Variants in CIT observed in about 807,000 individuals in gnomAD.
CIT encodes the protein citron Rho-interacting kinase.
CIT carries 79 observed loss-of-function variants against 272.7 expected under a neutral mutation model. That is an observed-to-expected ratio of 0.29 (90% CI 0.24 to 0.35). The LOEUF is 0.35. Ranked by LOEUF, CIT falls within the 10% of genes least tolerant of loss-of-function variation. The pLI is 1.00. For missense variants in CIT, 1,909 were observed against 2,618.3 expected, an observed-to-expected ratio of 0.73 and a Z score of 5.91; for synonymous variants, 948 against 995.6, an observed-to-expected ratio of 0.95 and a Z score of 0.90.
At chr12:119,755,418 C>T (rs1188699133) in intron 22 of CIT, among the ~76,000 whole-genome samples, 2 of 152,222 alleles carry the variant, frequency 1.3e-5, no homozygotes, top group African/African-American at 2.4e-5. Flanking sequence ...ATGAGTACTA[C>T]CCAAGGCTTA....
intron 3 of CIT, among the ~76,000 whole-genome samples, chr12:119,864,930 T>C (rs940710487): frequency 1.3e-5 from 2 of 152,096 alleles, no homozygotes; most frequent in African/African-American, 4.8e-5. Flanking sequence ...TACACTCTAT[T>C]CCATTTTCTC....
At chr12:119,721,934 T>C (rs1406785942) in intron 28 of CIT, among the ~76,000 whole-genome samples, 1 of 152,136 alleles carries the variant, frequency 6.6e-6, no homozygotes, top group Non-Finnish European at 1.5e-5. Flanking sequence ...ATCCCTTACT[T>C]AATAAAGGTC....
chr12:119,699,979 G>A (rs1348834494), intron 44 of CIT: 1 of 451,322 alleles, frequency 2.2e-6, no homozygotes, highest in African/African-American at 2.0e-5. Flanking sequence ...TATAATCAGG[G>A]GGTGCTATCT....
chr12:119,704,566 A>C, intron 40 of CIT, 111 bp from the exon 41 acceptor site: 1 of 929,736 alleles, frequency 1.1e-6, no homozygotes, highest in Non-Finnish European at 1.7e-6. Flanking sequence ...AGACCAGATC[A>C]TTCTGTGTGG....
intron 22 of CIT, 48 bp downstream of exon 22, chr12:119,757,323 C>G (rs764892771): frequency 2.5e-6 from 4 of 1,605,716 alleles, no homozygotes; most frequent in Non-Finnish European, 3.4e-6. Flanking sequence ...TTGTTCAGAG[C>G]CCGAATCGCC....
At chr12:119,821,423 T>C (rs2138034322) in intron 9 of CIT, among the ~76,000 whole-genome samples, 1 of 152,312 alleles carries the variant, frequency 6.6e-6, no homozygotes, top group East Asian at 1.9e-4. Flanking sequence ...CATAGGTATG[T>C]ATGCACAGGA....
rs61341026 is a variant in CIT, at chr12:119,874,342, C to G, written c.96+1731G>C. On this transcript the variant is annotated intron_variant, in intron 2 of 47. Transcript: ENST00000392521. The stretch of plus-strand genomic sequence containing the variant: ...CCGCCTCAGCCTCCGAAAATACTGG[C>G]ATTACAGGCTACAACCTATTTTAAA... Among the ~76,000 whole-genome samples the G allele has an allele frequency of 7.8e-3, 1,193 of 152,234 alleles. 13 individuals are homozygous for G. Among genetic ancestry groups the G allele is most frequent in the African/African-American group, 0.027 (1,125 of 41,512 alleles).
chr12:119,840,416 G>A (rs1333879625), intron 5 of CIT, among the ~76,000 whole-genome samples: 4 of 152,178 alleles, frequency 2.6e-5, no homozygotes, highest in African/African-American at 7.2e-5. Context: ...CAACATAACT[G>A]AATTGTGGCT....
rs200552941 is a variant in CIT at position 119,726,668 on chromosome 12, C to T, written c.3591+1834G>A. On this transcript the variant is annotated intron_variant, in intron 28 of 47. Coordinates refer to ENST00000392521, the MANE Select transcript of CIT (RefSeq NM_001206999.2). ...GAACAGGGCATTCTGGTTAATTAAACTGTCAGGCTCACTAAGGGTTAAACA... is the reference window on the plus strand; with the variant it reads ...GAACAGGGCATTCTGGTTAATTAAATTGTCAGGCTCACTAAGGGTTAAACA... Among the ~76,000 whole-genome samples the T allele has an allele frequency of 2.0e-5, 3 of 152,286 alleles. No homozygotes were observed. The East Asian group carries it at 5.8e-4, about 29-fold the overall frequency.
At chr12:119,827,361 T>C (rs901493551) in intron 7 of CIT, among the ~76,000 whole-genome samples, 9 of 152,128 alleles carry the variant, frequency 5.9e-5, no homozygotes, top group African/African-American at 1.9e-4. Context: ...TTTTAATATG[T>C]ATGTAAATGT....
chr12:119,853,998 G>T (rs998972828), intron 4 of CIT, among the ~76,000 whole-genome samples: 14 of 151,972 alleles, frequency 9.2e-5, no homozygotes, highest in Non-Finnish European at 1.6e-4. Context: ...ACCAGTCCGG[G>T]CAACATAGGG....
chr12:119,712,568 G>GGGCTCCTCC lies in CIT; in HGVS notation c.4684+14_4684+22dup, dbSNP rs1415619741. The GGGCTCCTCC allele has an allele frequency of 6.2e-7, 1 of 1,608,926 alleles. No individual in the cohort carries two copies. Among genetic ancestry groups the GGGCTCCTCC allele is most frequent in the Non-Finnish European group, 8.5e-7 (1 of 1,175,348 alleles). On this transcript the variant is annotated intron_variant, in intron 36 of 47. Coordinates refer to ENST00000392521, the MANE Select transcript of CIT (RefSeq NM_001206999.2). The surrounding 1 kb of genome is among the most constrained non-coding windows in gnomAD (Gnocchi z 5.2). ...CCAAGCCCGGCCCACCTCCAGGGCG[G>GGGCTCCTCC]GGCTCCTCCGGCTCCTCCTCACCTG...
intron 32 of CIT, among the ~76,000 whole-genome samples, chr12:119,717,694 T>G (rs1251018070): frequency 6.6e-6 from 1 of 152,044 alleles, no homozygotes; most frequent in African/African-American, 2.4e-5. Flanking sequence ...GTGCTGGGAT[T>G]ACTGGCGTGA....
intron 7 of CIT, among the ~76,000 whole-genome samples, chr12:119,832,337 T>A (rs1394978559): frequency 6.6e-6 from 1 of 152,260 alleles, no homozygotes; most frequent in Non-Finnish European, 1.5e-5. Context: ...GAGCACTTGG[T>A]TCTTAACACT....
In CIT at chr12:119,782,628, G is replaced by A. The variant is rs1964403206; in HGVS notation, c.1555C>T (p.Arg519Ter). The change falls in exon 13 of 48, where the codon CGA becomes TGA. Residue 519 changes from arginine to a stop codon, truncating the protein, a stop_gained. Coordinates refer to ENST00000392521, the MANE Select transcript of CIT (RefSeq NM_001206999.2). LOFTEE classifies it high-confidence loss of function. ...TCCATCCGTGCTTGCTCCAAACTTC[G>A]CTTTAAGCTCTGCAGAAAGCAAAAA... ...TYITECSSLK[R>*]SLEQARMEVS... 1.2e-6 allele frequency: 2 copies of A among 1,614,028 alleles called. No individual in the cohort carries two copies. Among genetic ancestry groups the A allele is most frequent in the Admixed American group, 1.7e-5 (1 of 60,016 alleles).
At position 119,778,648 on chromosome 12, in the gene CIT, C is replaced by G. The variant is rs375836296; in HGVS notation, c.1666-1806G>C. Among the ~76,000 whole-genome samples, 6 of 152,132 alleles carry G rather than the reference C, an allele frequency of 3.9e-5. No homozygotes were observed. The South Asian group carries it at 6.3e-4, about 16-fold the overall frequency. On this transcript the variant is annotated intron_variant, in intron 13 of 47. Transcript: ENST00000392521. ...TCCCATTGTAGCAGGTGACGCCCCC[C>G]CCCCAGAGCATATTAAAGGGGATGT...
rs1950886472 is a variant in CIT, at chr12:119,877,306, T to A, written c.-71A>T. 1 of 152,326 alleles carries A rather than the reference T, an allele frequency of 6.6e-6. No homozygotes were observed. The highest frequency in any genetic ancestry group is 2.4e-5 in the African/African-American group (1 of 41,454). The allele number at this position is 152,326 out of a possible 1,614,324, so 9.4% of individuals were successfully genotyped here. A position where few individuals can be genotyped will look rare whatever the true frequency, so the allele number is the denominator to read the frequency against. On this transcript the variant is annotated 5_prime_UTR_variant, in exon 1 of 48. Transcript: ENST00000392521. ...CGCCCCGCGCCTCCCGCCGCCGCGT[T>A]TGAACCCGAGGAACGGCGCGGGCGG...
chr12:119,865,628 C>T (rs1188354372), intron 3 of CIT, among the ~76,000 whole-genome samples: 2 of 151,978 alleles, frequency 1.3e-5, no homozygotes, highest in African/African-American at 4.8e-5. Context: ...CCAGCACTTT[C>T]GGAGGCCGAG....
Position 119,803,298 on chromosome 12 carries a change from C to T in CIT, c.1203G>A (p.Pro401=), listed in dbSNP as rs1220413979. Residue 401 remains proline, a synonymous_variant, in exon 10 of 48, where the codon CCG becomes CCA. Coordinates refer to ENST00000392521, the MANE Select transcript of CIT (RefSeq NM_001206999.2). ...PEKNSWVSSS[P]CQLSPSGFSG... ...AGAAGCCTGAGGGGCTCAGCTGGCA[C>T]GGAGAGGATGAAACCCACGAATTCT... 2 of 1,609,934 alleles carry T rather than the reference C, an allele frequency of 1.2e-6. No individual in the cohort carries two copies. The highest frequency in any genetic ancestry group is 1.3e-5 in the African/African-American group (1 of 74,326).
Sources: allele counts gnomAD v4.1 joint callset (sites outside exome capture counted in the v4.1 genomes callset), GRCh38; gene constraint gnomAD v4.1.1; non-coding constraint Gnocchi (gnomAD v3.1); transcripts MANE v1.5; gene names NCBI Gene and HGNC (gene_info 2026-07-23, HGNC 2026-07-21).